The following TLN2 variants were observed in gnomAD, a reference collection of about 807,000 sequenced individuals.
TLN2 encodes talin 2.
Under a neutral mutation model 294.7 loss-of-function variants are expected in TLN2, and 118 were observed. The ratio of observed to expected loss-of-function variants is 0.40; its 90% CI spans 0.34 to 0.47. The LOEUF (loss-of-function observed/expected upper bound fraction) is 0.47. Ranked by LOEUF, TLN2 falls within the 20% of genes least tolerant of loss-of-function variation. The pLI is 0.84. For synonymous variants in TLN2, 1,431 were observed against 1,304.5 expected (o/e 1.10, Z -2.09); for missense variants, 3,083 against 3,282.2 (o/e 0.94, Z 1.48).
intron 1 of TLN2, among the ~76,000 whole-genome samples, chr15:62,435,995 C>G (rs964575443): frequency 6.6e-6 from 1 of 152,192 alleles, no homozygotes; most frequent in East Asian, 1.9e-4. Flanking sequence ...GTATCATGCT[C>G]CATGATATCA....
At chr15:62,537,659 G>A (rs2041438479) in intron 1 of TLN2, among the ~76,000 whole-genome samples, 1 of 152,164 alleles carries the variant, frequency 6.6e-6, no homozygotes, top group Admixed American at 6.5e-5. Flanking sequence ...TGATTGCTCA[G>A]CCAGTGTAAG....
chr15:62,510,730 A>G (rs925513142), intron 1 of TLN2, among the ~76,000 whole-genome samples: 3 of 152,226 alleles, frequency 2.0e-5, no homozygotes, highest in African/African-American at 7.2e-5. Flanking sequence ...CCTGGGCACC[A>G]AGCAGTGCCC....
intron 1 of TLN2, among the ~76,000 whole-genome samples, chr15:62,449,949 T>A (rs1221953361): frequency 1.3e-5 from 2 of 152,240 alleles, no homozygotes; most frequent in African/African-American, 4.8e-5. Flanking sequence ...TTGCTGTTTC[T>A]TGTCTGTCCT....
At chr15:62,452,415 G>A (rs1457121044) in intron 1 of TLN2, among the ~76,000 whole-genome samples, 1 of 152,206 alleles carries the variant, frequency 6.6e-6, no homozygotes, top group Non-Finnish European at 1.5e-5. Flanking sequence ...GAAATGAGAA[G>A]GACGTCGACA....
chr15:62,626,925 G>A (rs991463777), intron 3 of TLN2, among the ~76,000 whole-genome samples: 2 of 152,164 alleles, frequency 1.3e-5, no homozygotes, highest in Admixed American at 6.5e-5. Flanking sequence ...TAGTTGTAGC[G>A]CAAGGACGAA....
intron 1 of TLN2, among the ~76,000 whole-genome samples, chr15:62,506,696 C>T (rs769338488): frequency 1.3e-4 from 20 of 152,200 alleles, no homozygotes; most frequent in Non-Finnish European, 2.6e-4. Context: ...CAGAAGCAGG[C>T]GTTGCTCTGA....
Position 62,407,839 on chromosome 15 carries a change from C to T in TLN2, c.-238+17154C>T, listed in dbSNP as rs377181955. Among the ~76,000 whole-genome samples, 62 of 152,084 alleles carry T rather than the reference C, an allele frequency of 4.1e-4. 1 individual carries two copies. The highest frequency in any genetic ancestry group is 3.4e-3 in the Middle Eastern group (1 of 294). The stretch of plus-strand genomic sequence containing the variant: ...CTGAGGCATGAGAATCGCTTGAACC[C>T]GGGAGGCAGAGGTTATGGTGAGCTA... On this transcript the variant is annotated intron_variant, in intron 1 of 58. Transcript: ENST00000636159.
At chr15:62,439,192 C>T (rs2035430212) in intron 1 of TLN2, among the ~76,000 whole-genome samples, 1 of 152,116 alleles carries the variant, frequency 6.6e-6, no homozygotes, top group Non-Finnish European at 1.5e-5. Flanking sequence ...TACTATGTAC[C>T]CTAGGAAAGG....
At chr15:62,702,940 A>G in intron 19 of TLN2, 76 bp downstream of exon 19, 1 of 1,314,170 alleles carries the variant, frequency 7.6e-7, no homozygotes, top group South Asian at 1.2e-5. Flanking sequence ...AGAATGTAAT[A>G]TTTGAAAACT....
intron 1 of TLN2, among the ~76,000 whole-genome samples, chr15:62,497,409 A>G (rs549070666): frequency 6.6e-6 from 1 of 152,178 alleles, no homozygotes; most frequent in Non-Finnish European, 1.5e-5. Context: ...ACCCTTAGTT[A>G]GATCCTCTCT....
At chr15:62,610,705 G>C (rs897574035) in intron 2 of TLN2, among the ~76,000 whole-genome samples, 21 of 152,102 alleles carry the variant, frequency 1.4e-4, no homozygotes, top group Non-Finnish European at 2.6e-4. Context: ...ATGCAAGCCT[G>C]GCAGCTCAAA....
intron 1 of TLN2, among the ~76,000 whole-genome samples, chr15:62,578,477 G>A (rs997294684): frequency 3.9e-5 from 6 of 152,184 alleles, no homozygotes; most frequent in African/African-American, 1.4e-4. Flanking sequence ...TGAGGCAGGA[G>A]AATCACTTGA....
intron 37 of TLN2, among the ~76,000 whole-genome samples, chr15:62,757,630 C>T (rs2062374036): frequency 6.6e-6 from 1 of 152,146 alleles, no homozygotes; most frequent in African/African-American, 2.4e-5. Flanking sequence ...CTCACAGTGT[C>T]AAACCCTCTT....
intron 44 of TLN2, among the ~76,000 whole-genome samples, chr15:62,782,286 T>C (rs188478609): frequency 1.4e-3 from 213 of 152,312 alleles, no homozygotes; most frequent in Non-Finnish European, 2.0e-3. Flanking sequence ...GAATTCGGGC[T>C]GGGGAATGGT....
At chr15:62,664,379 G>A (rs1410167026) in intron 9 of TLN2, among the ~76,000 whole-genome samples, 2 of 152,034 alleles carry the variant, frequency 1.3e-5, no homozygotes, top group African/African-American at 4.8e-5. Context: ...AGCATTTCAT[G>A]TCTCTCAGAT....
intron 10 of TLN2, among the ~76,000 whole-genome samples, chr15:62,674,897 G>A (rs950592895): frequency 6.6e-6 from 1 of 152,190 alleles, no homozygotes; most frequent in Non-Finnish European, 1.5e-5. Context: ...TTTGGGACGT[G>A]GAGTCCTTTG....
intron 1 of TLN2, among the ~76,000 whole-genome samples, chr15:62,431,696 T>C (rs1386268998): frequency 6.6e-6 from 1 of 152,252 alleles, no homozygotes; most frequent in Non-Finnish European, 1.5e-5. Flanking sequence ...TTTCTTTAGC[T>C]TTCTCCATTT....
intron 54 of TLN2, chr15:62,827,531 G>A (rs757533761): frequency 1.3e-5 from 2 of 152,192 alleles, no homozygotes; most frequent in African/African-American, 2.4e-5. Context: ...CATAGTCAAA[G>A]TACAGAACAG....
chr15:62,837,256 C>G (rs1166887704), intron 57 of TLN2, among the ~76,000 whole-genome samples: 3 of 152,072 alleles, frequency 2.0e-5, no homozygotes, highest in African/African-American at 7.2e-5. Flanking sequence ...GGGATAAACC[C>G]AGGGAAAAAT....
Sources: allele counts gnomAD v4.1 joint callset (sites outside exome capture counted in the v4.1 genomes callset), GRCh38; gene constraint gnomAD v4.1.1; transcripts MANE v1.5; gene names NCBI Gene and HGNC (gene_info 2026-07-23, HGNC 2026-07-21).